Variants in NARS2 observed in about 807,000 individuals in gnomAD.
NARS2 encodes the protein asparaginyl-tRNA synthetase 2, mitochondrial.
NARS2 carries 60 observed loss-of-function variants against 62.9 expected under a neutral mutation model. The observed-to-expected ratio is 0.95, with a 90% CI of 0.77 to 1.18. The LOEUF is 1.18. Among genes scored for constraint, NARS2 ranks in the 50% most tolerant of loss-of-function variants. The probability of loss-of-function intolerance (pLI) is 0.00; values close to 1 mark genes in which losing one functional copy is unlikely to be tolerated. For synonymous variants in NARS2, 196 were observed against 200.0 expected (o/e 0.98, Z 0.17); for missense variants, 619 against 576.4 (o/e 1.07, Z -0.76).
At chr11:78,538,888 G>T (rs1043545190) in intron 5 of NARS2, among the ~76,000 whole-genome samples, 1 of 149,484 alleles carries the variant, frequency 6.7e-6, no homozygotes, top group Non-Finnish European at 1.5e-5. Context: ...CCAGCTACTC[G>T]GGAGGCTGAG....
intron 5 of NARS2, among the ~76,000 whole-genome samples, chr11:78,529,535 T>C (rs1389323994): frequency 7.9e-5 from 12 of 152,210 alleles, no homozygotes; most frequent in Admixed American, 7.8e-4. Context: ...GAAAGGGTGA[T>C]TATTCCATCT....
At chr11:78,535,033 A>C (rs1480472072) in intron 5 of NARS2, among the ~76,000 whole-genome samples, 1 of 152,366 alleles carries the variant, frequency 6.6e-6, no homozygotes, top group Admixed American at 6.5e-5. Flanking sequence ...CTGAAAGCCT[A>C]AACACAGACT....
intron 6 of NARS2, among the ~76,000 whole-genome samples, chr11:78,513,878 T>C (rs182607514): frequency 1.3e-5 from 2 of 152,220 alleles, no homozygotes; most frequent in Admixed American, 6.5e-5. Flanking sequence ...GGATCCCTCA[T>C]GGTTTGATGC....
chr11:78,568,489 T>G, intron 3 of NARS2, 143 bp downstream of exon 3: 1 of 987,962 alleles, frequency 1.0e-6, no homozygotes, highest in South Asian at 2.2e-5. Context: ...TGCTACTGCC[T>G]CTACAGGTCA....
chr11:78,566,727 T>C (rs1856758785), intron 3 of NARS2, among the ~76,000 whole-genome samples: 1 of 152,210 alleles, frequency 6.6e-6, no homozygotes, highest in Non-Finnish European at 1.5e-5. Flanking sequence ...TCATAATCAA[T>C]TGGTGCAATT....
chr11:78,436,660 A>C lies in NARS2; in HGVS notation c.*10T>G, dbSNP rs773734712. 11 of 1,613,998 alleles carry C rather than the reference A, an allele frequency of 6.8e-6. No individual in the cohort carries two copies. Among genetic ancestry groups the C allele is most frequent in the Non-Finnish European group, 9.3e-6 (11 of 1,179,924 alleles). On this transcript the variant is annotated 3_prime_UTR_variant, in exon 14 of 14. Transcript: ENST00000281038. ...CCATGGGGGGTGCTTTTCCTTAACC[A>C]ATCTTCCAGCTATAAAAGGCATGAA...
intron 5 of NARS2, among the ~76,000 whole-genome samples, chr11:78,544,973 A>T (rs1474645155): frequency 6.6e-6 from 1 of 152,032 alleles, no homozygotes; most frequent in East Asian, 1.9e-4. Context: ...CAAATAGCAA[A>T]CTGTTCATGA....
rs113995602 is a variant in NARS2, at chr11:78,574,214, C to A, written c.141+134G>T. On this transcript the variant is annotated intron_variant, in intron 1 of 13. Transcript: ENST00000281038. Reference sequence around the variant, plus strand: ...TAATGGAAATCAGAAAAGTGCAAACCCGCGACGCCTACACTTTCTAACTTT... The same window carrying A: ...TAATGGAAATCAGAAAAGTGCAAACACGCGACGCCTACACTTTCTAACTTT... 4,477 of 1,111,060 alleles carry A rather than the reference C, an allele frequency of 4.0e-3. 92 individuals are homozygous for A. In the African/African-American group the frequency reaches 0.053, roughly 13 times the overall value. 68.8% of individuals were successfully genotyped at this position (1,111,060 alleles called of 1,614,324 possible). A position where few individuals can be genotyped will look rare whatever the true frequency, so the allele number is the denominator to read the frequency against.
intron 5 of NARS2, among the ~76,000 whole-genome samples, chr11:78,537,859 A>G (rs1034042279): frequency 2.0e-5 from 3 of 152,212 alleles, no homozygotes; most frequent in Non-Finnish European, 4.4e-5. Flanking sequence ...TGACTTAATT[A>G]TCACATTATT....
chr11:78,544,534 C>A (rs1000641409), intron 5 of NARS2, among the ~76,000 whole-genome samples: 1 of 152,168 alleles, frequency 6.6e-6, no homozygotes, highest in Admixed American at 6.5e-5. Flanking sequence ...TAGCTCATGC[C>A]TGTAATCCCA....
At chr11:78,451,770 T>A (rs911742499) in intron 11 of NARS2, among the ~76,000 whole-genome samples, 5 of 152,230 alleles carry the variant, frequency 3.3e-5, no homozygotes, top group Admixed American at 3.3e-4. Flanking sequence ...AATAATCATA[T>A]AGACCATGGT....
intron 1 of NARS2, among the ~76,000 whole-genome samples, chr11:78,573,797 T>C (rs573636898): frequency 8.8e-4 from 134 of 152,336 alleles, no homozygotes; most frequent in African/African-American, 3.2e-3. Context: ...ATAAACGCTA[T>C]GCAGAGATTT....
At chr11:78,437,993 G>GA (rs10718645) in intron 13 of NARS2, among the ~76,000 whole-genome samples, 119 of 116,520 alleles carry the variant, frequency 1.0e-3, no homozygotes, top group Admixed American at 1.1e-3. Context: ...AAAAAAGAAA[G>GA]AAAAAAAAAA....
intron 10 of NARS2, among the ~76,000 whole-genome samples, chr11:78,468,695 C>T (rs1858738244): frequency 6.6e-6 from 1 of 152,060 alleles, no homozygotes; most frequent in African/African-American, 2.4e-5. Context: ...TGAGCCACCG[C>T]ACCCAGCCTG....
At chr11:78,445,243 C>T (rs528527483) in intron 11 of NARS2, among the ~76,000 whole-genome samples, 3 of 152,114 alleles carry the variant, frequency 2.0e-5, no homozygotes, top group Non-Finnish European at 4.4e-5. Flanking sequence ...AAAATGATAG[C>T]TTAATATTTT....
intron 11 of NARS2, among the ~76,000 whole-genome samples, chr11:78,453,482 A>G (rs767430815): frequency 4.4e-4 from 67 of 152,186 alleles, no homozygotes; most frequent in Admixed American, 1.6e-3. Flanking sequence ...CTAGATAGGA[A>G]CAAGGCTTAC....
At position 78,468,310 on chromosome 11, in the gene NARS2, G is replaced by GGAAAAAAAAA. The variant is rs1555015326; in HGVS notation, c.1026+936_1026+937insTTTTTTTTTC. On this transcript the variant is annotated intron_variant, in intron 10 of 13. Coordinates refer to ENST00000281038, the MANE Select transcript of NARS2 (RefSeq NM_024678.6). ...ACCTGCTTCTGCAAGCACTAAATCT[G>GGAAAAAAAAA]AAAAAAAAAAAAAAAAAAGAAAAAA... 1.1e-3 allele frequency among the ~76,000 whole-genome samples: 73 copies of GGAAAAAAAAA among 67,384 alleles called. 1 individual carries two copies. Among genetic ancestry groups the GGAAAAAAAAA allele is most frequent in the East Asian group, 2.6e-3 (7 of 2,684 alleles). The allele number at this position is 67,384 out of a possible 152,430, so 44.2% of individuals were successfully genotyped here.
At chr11:78,541,809 G>A (rs1590837360) in intron 5 of NARS2, among the ~76,000 whole-genome samples, 1 of 152,212 alleles carries the variant, frequency 6.6e-6, no homozygotes, top group Non-Finnish European at 1.5e-5. Flanking sequence ...CTATCAAGCT[G>A]TATCTCAAAT....
At chr11:78,554,508 C>CGCGTGTGTGTGTGT (rs1555041422) in intron 5 of NARS2, among the ~76,000 whole-genome samples, 2 of 146,914 alleles carry the variant, frequency 1.4e-5, no homozygotes, top group East Asian at 2.0e-4. Flanking sequence ...GGCGTGTGTG[C>CGCGTGTGTGTGTGT]GTGTGTGTGT....
Sources: gnomAD v4.1 joint callset for allele counts (sites outside exome capture counted in the v4.1 genomes callset) on GRCh38, gnomAD v4.1.1 for gene constraint, MANE v1.5 for transcripts, NCBI Gene and HGNC (gene_info 2026-07-23, HGNC 2026-07-21) for gene names.